The following SYT16 variants were observed in gnomAD, a reference collection of about 807,000 sequenced individuals.
SYT16 encodes synaptotagmin 16, also known as synaptotagmin-16.
SYT16 carries 42 observed loss-of-function variants against 61.4 expected under a neutral mutation model. That is an observed-to-expected ratio of 0.68 (90% confidence interval 0.53 to 0.89). SYT16 has a LOEUF of 0.89. Ranked by LOEUF, SYT16 falls within the 40% of genes least tolerant of loss-of-function variation. The pLI is 0.00. For missense variants in SYT16, 804 were observed against 807.3 expected (o/e 1.00, Z 0.05); for synonymous variants, 314 against 302.3 (o/e 1.04, Z -0.40).
intron 2 of SYT16, among the ~76,000 whole-genome samples, chr14:61,982,794 A>T (rs1566736927): frequency 6.6e-6 from 1 of 152,164 alleles, no homozygotes; most frequent in Non-Finnish European, 1.5e-5. Context: ...ATTTTTTGTA[A>T]GTTTAAAGCT....
intron 3 of SYT16, among the ~76,000 whole-genome samples, chr14:62,024,260 G>A (rs2054017705): frequency 6.6e-6 from 1 of 152,040 alleles, no homozygotes; most frequent in African/African-American, 2.4e-5. Context: ...AACTTGATAA[G>A]TGAAAAGTAG....
At chr14:62,042,179 T>A (rs1308081387) in intron 3 of SYT16, among the ~76,000 whole-genome samples, 3 of 152,166 alleles carry the variant, frequency 2.0e-5, no homozygotes, top group Non-Finnish European at 4.4e-5. Context: ...CTTTTGCTTT[T>A]TTTTGTGGGG....
intron 3 of SYT16, among the ~76,000 whole-genome samples, chr14:62,050,317 C>A (rs921524681): frequency 3.3e-5 from 5 of 152,210 alleles, no homozygotes; most frequent in African/African-American, 9.6e-5. Context: ...TGGTTTTCAG[C>A]TCCATCAGGT....
chr14:61,885,379 T>TATG lies in SYT16; in HGVS notation c.-325+72599_-325+72601dup, dbSNP rs61541645. Among the ~76,000 whole-genome samples, 940 of 151,018 alleles carry TATG rather than the reference T, an allele frequency of 6.2e-3. 6 individuals are homozygous for TATG. Among genetic ancestry groups the TATG allele is most frequent in the African/African-American group, 0.016 (659 of 41,052 alleles). On this transcript the variant is annotated intron_variant, in intron 1 of 7. Coordinates refer to ENST00000683842, the MANE Select transcript of SYT16 (RefSeq NM_001367656.1). ...TTATTTATGTAAAGTGCATGGCAGA[T>TATG]ATGATGATGATGATGATGATGATGA...
intron 7 of SYT16, 88 bp downstream of exon 7, chr14:62,084,473 AC>A: frequency 1.4e-6 from 2 of 1,414,990 alleles, no homozygotes; most frequent in Non-Finnish European, 1.9e-6. Flanking sequence ...TTTAATTTTT[AC>A]CATAAAAATG....
At chr14:61,843,078 T>C (rs1460445770) in intron 1 of SYT16, among the ~76,000 whole-genome samples, 2 of 148,846 alleles carry the variant, frequency 1.3e-5, no homozygotes, top group East Asian at 4.0e-4. Context: ...ACTGATATCT[T>C]TTTTTTTAAG....
At chr14:61,912,272 G>A (rs2048963043) in intron 1 of SYT16, among the ~76,000 whole-genome samples, 1 of 152,070 alleles carries the variant, frequency 6.6e-6, no homozygotes, top group South Asian at 2.1e-4. Flanking sequence ...GGAACACGTG[G>A]GCTTCTTTAA....
intron 3 of SYT16, among the ~76,000 whole-genome samples, chr14:62,024,680 T>G (rs932123783): frequency 3.3e-5 from 5 of 152,050 alleles, no homozygotes; most frequent in Non-Finnish European, 5.9e-5. Context: ...ACTCTTGGTG[T>G]TGTATGTTCT....
Position 61,995,937 on chromosome 14 carries a change from C to A in SYT16, c.-83C>A. On this transcript the variant is annotated 5_prime_UTR_variant, in exon 3 of 8. Transcript: ENST00000683842. ...AGAGACCTCCAAATTAATTTCTCAA[C>A]ATGCTTATTCTATAGTTCACATTCA... 1.5e-6 allele frequency: 2 copies of A among 1,369,776 alleles called. No homozygotes were observed. The highest frequency in any genetic ancestry group is 2.4e-5 in the East Asian group (1 of 42,484). 84.9% of individuals were successfully genotyped at this position (1,369,776 alleles called of 1,614,324 possible). A position where few individuals can be genotyped will look rare whatever the true frequency, so the allele number is the denominator to read the frequency against.
intron 1 of SYT16, among the ~76,000 whole-genome samples, chr14:61,914,505 G>C (rs565922011): frequency 7.4e-4 from 113 of 152,184 alleles, no homozygotes; most frequent in African/African-American, 2.4e-3. Context: ...CTCTCTAATT[G>C]AGCATGTTCA....
At chr14:62,039,831 G>GCACACACA (rs1300882926) in intron 3 of SYT16, among the ~76,000 whole-genome samples, 16 of 86,864 alleles carry the variant, frequency 1.8e-4, no homozygotes, top group Non-Finnish European at 3.6e-4. Flanking sequence ...AGGGGCTTAA[G>GCACACACA]CATACACACA....
intron 1 of SYT16, among the ~76,000 whole-genome samples, chr14:61,929,997 A>G (rs2049700367): frequency 6.6e-6 from 1 of 152,160 alleles, no homozygotes; most frequent in Non-Finnish European, 1.5e-5. Context: ...ACTTTTCCCT[A>G]TGGCTTTAAT....
chr14:62,070,754 G>C (rs560649174), intron 4 of SYT16, among the ~76,000 whole-genome samples: 7 of 152,280 alleles, frequency 4.6e-5, no homozygotes, highest in South Asian at 4.1e-4. Context: ...AAAATGCTAT[G>C]CCACCCACCT....
chr14:61,944,967 A>G (rs2050362513), intron 1 of SYT16, among the ~76,000 whole-genome samples: 2 of 152,250 alleles, frequency 1.3e-5, no homozygotes, highest in African/African-American at 4.8e-5. Context: ...AGAACGGGAG[A>G]AAATTTTTGC....
chr14:61,996,284 G>A lies in SYT16; in HGVS notation c.265G>A (p.Asp89Asn), dbSNP rs868036207. 1 of 1,613,610 alleles carries A rather than the reference G, an allele frequency of 6.2e-7. No homozygotes were observed. The highest frequency in any genetic ancestry group is 1.1e-5 in the South Asian group (1 of 91,074). The stretch of plus-strand genomic sequence containing the variant: ...TGCAAATTCCTTGTTTCTTGAAGTG[G>A]ATCATTTCTCATGTTGTAATAGTGA... ...EDANSLFLEVDHFSCCNSDLQ... is the reference protein window; with the variant it reads ...EDANSLFLEVNHFSCCNSDLQ... Residue 89 changes from aspartate to asparagine, a missense_variant, in exon 3 of 8, where the codon GAT (aspartate) becomes AAT (asparagine). Coordinates refer to ENST00000683842, the MANE Select transcript of SYT16 (RefSeq NM_001367656.1).
intron 1 of SYT16, among the ~76,000 whole-genome samples, chr14:61,938,056 C>CACACACACACAA (rs1226415317): frequency 6.6e-6 from 1 of 151,916 alleles, no homozygotes; most frequent in Admixed American, 6.6e-5. Context: ...CACACACACA[C>CACACACACACAA]ACAGAGTGTT....
intron 1 of SYT16, among the ~76,000 whole-genome samples, chr14:61,885,406 GA>G (rs2047862015): frequency 1.3e-5 from 2 of 152,032 alleles, no homozygotes; most frequent in Non-Finnish European, 2.9e-5. Context: ...TGATGATGAT[GA>G]TGATTACTGA....
intron 1 of SYT16, among the ~76,000 whole-genome samples, chr14:61,833,005 C>T (rs67653027): frequency 2.0e-5 from 3 of 152,006 alleles, no homozygotes. Context: ...CATGGTGATT[C>T]GTTTCCTCCT....
intron 3 of SYT16, among the ~76,000 whole-genome samples, chr14:62,027,965 C>G (rs1025180599): frequency 6.6e-6 from 1 of 152,100 alleles, no homozygotes; most frequent in Non-Finnish European, 1.5e-5. Flanking sequence ...GATTTGATTC[C>G]TTGGGAAAGA....
Sources: gnomAD v4.1 joint callset for allele counts (sites outside exome capture counted in the v4.1 genomes callset) on GRCh38, gnomAD v4.1.1 for gene constraint, MANE v1.5 for transcripts, NCBI Gene and HGNC (gene_info 2026-07-23, HGNC 2026-07-21) for gene names.